Variants in SOBP observed in about 807,000 individuals in gnomAD.
SOBP encodes the protein sine oculis-binding protein homolog.
A neutral mutation model predicts 53.6 loss-of-function variants in SOBP; 4 were observed. The ratio of observed to expected loss-of-function variants is 0.07; its 90% CI spans 0.04 to 0.17. SOBP has a LOEUF of 0.17. Ranked by LOEUF, SOBP falls within the 10% of genes least tolerant of loss-of-function variation. The pLI, the probability that SOBP is intolerant of heterozygous loss-of-function variation, is 1.00. For missense variants in SOBP, 1,088 were observed against 1,204.7 expected (o/e 0.90, Z 1.43); for synonymous variants, 584 against 522.6 (o/e 1.12, Z -1.60).
intron 3 of SOBP, chr6:107,514,471 A>G (rs1251919512): frequency 1.3e-5 from 2 of 152,218 alleles, no homozygotes; most frequent in Non-Finnish European, 2.9e-5. Context: ...GTTAGATACT[A>G]TGATATGGGT....
chr6:107,552,120 C>T (rs1334419656), intron 4 of SOBP, among the ~76,000 whole-genome samples: 1 of 152,182 alleles, frequency 6.6e-6, no homozygotes, highest in Non-Finnish European at 1.5e-5. Flanking sequence ...ATGTCATTAT[C>T]ATGGTAGGTT....
At chr6:107,661,306 ATAATG>A (rs1370012586), downstream of SOBP, among the ~76,000 whole-genome samples, 2 of 152,222 alleles carry the variant, frequency 1.3e-5, no homozygotes, top group Non-Finnish European at 2.9e-5. Context: ...AATAGAAACA[ATAATG>A]TATGTAAGTG....
chr6:107,656,327 G>GA (rs1156922071), intron 6 of SOBP, among the ~76,000 whole-genome samples: 4 of 6,346 alleles, frequency 6.3e-4, no homozygotes, highest in African/African-American at 1.4e-3. Context: ...AAGAAAGAAA[G>GA]AAAGAAAGAA....
chr6:107,550,164 C>T (rs1784423121), intron 4 of SOBP, among the ~76,000 whole-genome samples: 1 of 152,186 alleles, frequency 6.6e-6, no homozygotes, highest in Admixed American at 6.5e-5. Context: ...CGGCTTGGAC[C>T]AGGATACTGG....
chr6:107,616,014 C>T (rs1269996177), intron 5 of SOBP, among the ~76,000 whole-genome samples: 2 of 135,498 alleles, frequency 1.5e-5, no homozygotes, highest in Non-Finnish European at 3.0e-5. Flanking sequence ...CAGGGCGAGA[C>T]TCTGTCTCTG....
intron 6 of SOBP, among the ~76,000 whole-genome samples, chr6:107,642,054 G>A (rs138844712): frequency 9.8e-5 from 15 of 152,286 alleles, no homozygotes; most frequent in African/African-American, 3.6e-4. Flanking sequence ...TTTTCTTAGG[G>A]CCTCAAAGGG....
rs1782539643 is a variant in SOBP at position 107,490,268 on chromosome 6, G to GGCGGGA, written c.-344_-339dup. ...GAGGATGCGGCCCGGCGGCGGCGGC[G>GGCGGGA]GCGGGAGCGGCAGCGGCAGCGAGGG... On this transcript the variant is annotated 5_prime_UTR_variant, in exon 1 of 7. Transcript: ENST00000317357. The GGCGGGA allele has an allele frequency of 6.8e-6, 1 of 147,042 alleles. No homozygotes were observed. Among genetic ancestry groups the GGCGGGA allele is most frequent in the African/African-American group, 2.5e-5 (1 of 40,314 alleles). The allele number at this position is 147,042 out of a possible 1,614,324, so 9.1% of individuals were successfully genotyped here. A position where few individuals can be genotyped will look rare whatever the true frequency, so the allele number is the denominator to read the frequency against.
chr6:107,494,712 TGAA>T (rs1782657032), intron 1 of SOBP, among the ~76,000 whole-genome samples: 1 of 152,252 alleles, frequency 6.6e-6, no homozygotes, highest in African/African-American at 2.4e-5. Flanking sequence ...GCTTCTTTGC[TGAA>T]GAAGTTTTCT....
At chr6:107,529,163 A>G (rs531638139) in intron 3 of SOBP, among the ~76,000 whole-genome samples, 1 of 152,356 alleles carries the variant, frequency 6.6e-6, no homozygotes, top group South Asian at 2.1e-4. Context: ...AGAAACTTTA[A>G]GTTAGATTGC....
chr6:107,527,626 T>G (rs1391150027), intron 3 of SOBP, among the ~76,000 whole-genome samples: 1 of 152,176 alleles, frequency 6.6e-6, no homozygotes, highest in African/African-American at 2.4e-5. Flanking sequence ...ATAGTTAGGG[T>G]GGGCATGACC....
At chr6:107,575,011 A>G (rs543989832) in intron 4 of SOBP, among the ~76,000 whole-genome samples, 3 of 152,092 alleles carry the variant, frequency 2.0e-5, no homozygotes, top group Non-Finnish European at 4.4e-5. Flanking sequence ...TCTGCCACTC[A>G]TTGTCACCAT....
At chr6:107,642,436 G>A (rs1771368984) in intron 6 of SOBP, among the ~76,000 whole-genome samples, 1 of 152,218 alleles carries the variant, frequency 6.6e-6, no homozygotes. Flanking sequence ...AGTCCCAAGT[G>A]TACTACATAG....
intron 5 of SOBP, among the ~76,000 whole-genome samples, chr6:107,596,295 T>TA (rs1785945614): frequency 6.6e-6 from 1 of 152,210 alleles, no homozygotes. Context: ...CTGGTGGTAT[T>TA]AAAATAAAGG....
rs185688241 is a variant in SOBP at position 107,625,205 on chromosome 6, T to C, written c.670-8309T>C. 5.9e-5 allele frequency among the ~76,000 whole-genome samples: 9 copies of C among 152,310 alleles called. No individual in the cohort carries two copies. In the East Asian group the frequency reaches 1.7e-3, roughly 29 times the overall value. On this transcript the variant is annotated intron_variant, in intron 5 of 6. Transcript: ENST00000317357. ...TATTAGTATTACATCAAACTGGGGC[T>C]TGCAGTAGTCACAATAATAAAAGCC...
intron 5 of SOBP, among the ~76,000 whole-genome samples, chr6:107,619,597 C>T (rs946661462): frequency 5.9e-5 from 9 of 151,496 alleles, no homozygotes; most frequent in Non-Finnish European, 1.2e-4. Context: ...GTGGTAGGGT[C>T]GGTGGGGTGG....
intron 4 of SOBP, among the ~76,000 whole-genome samples, chr6:107,554,458 T>C (rs1186158854): frequency 1.3e-5 from 2 of 152,208 alleles, no homozygotes; most frequent in Non-Finnish European, 2.9e-5. Context: ...AGCGTAATAC[T>C]TAACAGAACT....
intron 5 of SOBP, among the ~76,000 whole-genome samples, chr6:107,629,149 G>T (rs2115133621): frequency 6.6e-6 from 1 of 151,594 alleles, no homozygotes; most frequent in Non-Finnish European, 1.5e-5. Flanking sequence ...TTAGTAGACA[G>T]TCAGATGAAG....
chr6:107,580,470 A>G lies in SOBP; in HGVS notation c.574-6610A>G, dbSNP rs192126832. 1.6e-3 allele frequency among the ~76,000 whole-genome samples: 248 copies of G among 152,348 alleles called. 1 individual carries two copies. The highest frequency in any genetic ancestry group is 5.5e-3 in the African/African-American group (228 of 41,576). On this transcript the variant is annotated intron_variant, in intron 4 of 6. Transcript: ENST00000317357. ...ATATATTTACAGGATTGTTTGTTAT[A>G]TAAGGGACTTCATACATAATGCATG... is the stretch of plus-strand genomic sequence containing the variant.
At chr6:107,606,189 G>T (rs1786371683) in intron 5 of SOBP, among the ~76,000 whole-genome samples, 1 of 145,676 alleles carries the variant, frequency 6.9e-6, no homozygotes, top group Non-Finnish European at 1.5e-5. Context: ...CAATTCTCCT[G>T]CCTCAGCCTT....
Sources: gnomAD v4.1 joint callset for allele counts (sites outside exome capture counted in the v4.1 genomes callset) on GRCh38, gnomAD v4.1.1 for gene constraint, MANE v1.5 for transcripts, NCBI Gene and HGNC (gene_info 2026-07-23, HGNC 2026-07-21) for gene names.